SH3PXD2A: variants seen among roughly 807,000 people sequenced by gnomAD.
The protein encoded by SH3PXD2A is SH3 and PX domains 2A.
In SH3PXD2A, 32 loss-of-function variants were observed where a neutral mutation model predicts 115.2. That is an observed-to-expected ratio of 0.28 (90% CI 0.21 to 0.37). The LOEUF is 0.37. SH3PXD2A is among the 10% of genes least tolerant of loss of function. The pLI is 1.00. For synonymous variants in SH3PXD2A, 610 were observed against 629.1 expected (o/e 0.97, Z 0.45); for missense variants, 1,328 against 1,498.7 (o/e 0.89, Z 1.88).
chr10:103,793,945 T>C (rs551466499), intron 2 of SH3PXD2A, among the ~76,000 whole-genome samples: 6 of 152,166 alleles, frequency 3.9e-5, no homozygotes, highest in Non-Finnish European at 8.8e-5. Context: ...ATAAATTTAA[T>C]GAATAGAAAA....
chr10:103,791,774 G>T (rs772011404), intron 2 of SH3PXD2A, among the ~76,000 whole-genome samples: 1 of 151,960 alleles, frequency 6.6e-6, no homozygotes, highest in African/African-American at 2.4e-5. Context: ...GAAACTGCAC[G>T]AGAAGTTGCA....
intron 8 of SH3PXD2A, among the ~76,000 whole-genome samples, chr10:103,653,610 G>A (rs2037163605): frequency 6.6e-6 from 1 of 152,234 alleles, no homozygotes; most frequent in African/African-American, 2.4e-5. Context: ...CACCAGGCCT[G>A]TCCAACCTGG....
intron 4 of SH3PXD2A, among the ~76,000 whole-genome samples, chr10:103,730,228 GTTTCTTTTTTT>G (rs2038299120): frequency 8.9e-6 from 1 of 112,480 alleles, no homozygotes; most frequent in South Asian, 2.6e-4. Flanking sequence ...TTCTTTTCTC[GTTTCTTTTTTT>G]TTTTTTTTTT....
At chr10:103,712,114 G>A (rs2038054057) in intron 5 of SH3PXD2A, among the ~76,000 whole-genome samples, 1 of 151,900 alleles carries the variant, frequency 6.6e-6, no homozygotes, top group African/African-American at 2.4e-5. Context: ...TAAGGGAGAT[G>A]GAACTGCTCT....
At chr10:103,651,901 G>A (rs1415599274) in intron 8 of SH3PXD2A, among the ~76,000 whole-genome samples, 2 of 152,214 alleles carry the variant, frequency 1.3e-5, no homozygotes, top group African/African-American at 4.8e-5. Flanking sequence ...AGGACATGGG[G>A]ATCCCAGGGC....
chr10:103,606,662 TTTTCGTGTTTTTTTGGTGGAGACGGGG>T (rs2036313149), intron 13 of SH3PXD2A, among the ~76,000 whole-genome samples: 1 of 151,794 alleles, frequency 6.6e-6, no homozygotes, highest in Non-Finnish European at 1.5e-5. Context: ...GCCTGACTGG[TTTTCGTGTTTTTTTGGTGGAGACGGGG>T]TTTCGCTGTG....
rs529872062 is a variant in SH3PXD2A at position 103,660,744 on chromosome 10, G to A, written c.604+239C>T. On this transcript the variant is annotated intron_variant, in intron 8 of 14. Transcript: ENST00000369774. ...TTTATTCCCGCGCTGTGCCTGAAAC[G>A]TGCAATTAACACAGGCTGGTTAATT... is the stretch of plus-strand genomic sequence containing the variant. 2.0e-5 allele frequency among the ~76,000 whole-genome samples: 3 copies of A among 152,344 alleles called. No individual in the cohort carries two copies. The East Asian group carries it at 5.8e-4, about 29-fold the overall frequency.
chr10:103,700,922 T>C (rs1255044005), intron 5 of SH3PXD2A, among the ~76,000 whole-genome samples: 1 of 152,032 alleles, frequency 6.6e-6, no homozygotes, highest in Non-Finnish European at 1.5e-5. Context: ...TTAAAGACCT[T>C]CCCTGACTCT....
At chr10:103,712,474 C>A (rs1472867557) in intron 5 of SH3PXD2A, among the ~76,000 whole-genome samples, 1 of 152,188 alleles carries the variant, frequency 6.6e-6, no homozygotes, top group Non-Finnish European at 1.5e-5. Context: ...ATCAGAGGAG[C>A]CTGTACCAGC....
chr10:103,633,740 A>C (rs920548982), intron 8 of SH3PXD2A, among the ~76,000 whole-genome samples: 1,587 of 150,528 alleles, frequency 0.011, 64 homozygotes, highest in South Asian at 0.016. Flanking sequence ...AAAAAAAAAA[A>C]AAAAAAAAAA....
At chr10:103,782,303 T>C (rs1053560197) in intron 2 of SH3PXD2A, among the ~76,000 whole-genome samples, 1 of 152,238 alleles carries the variant, frequency 6.6e-6, no homozygotes, top group Non-Finnish European at 1.5e-5. Context: ...TTAGCAAGAT[T>C]GCTAAGTAGT....
At chr10:103,728,894 T>TTTG (rs2038278793) in intron 4 of SH3PXD2A, among the ~76,000 whole-genome samples, 4 of 133,392 alleles carry the variant, frequency 3.0e-5, no homozygotes, top group African/African-American at 1.2e-4. Flanking sequence ...TGTTTGTTTG[T>TTTG]TTGTTTTTTT....
chr10:103,762,014 C>CTTTTTTTTTTTT lies in SH3PXD2A; in HGVS notation c.229+5068_229+5079dup, dbSNP rs79615908. Reference sequence around the variant, plus strand: ...CACACACTAGGAGCAATCAACACGTCTTTTTTTTTTTTTTTTTTTTTTTTT... The same window carrying CTTTTTTTTTTTT: ...CACACACTAGGAGCAATCAACACGTCTTTTTTTTTTTTTTTTTTTTTTTTTTTTTTTTTTTTT... On this transcript the variant is annotated intron_variant, in intron 3 of 14. Coordinates refer to ENST00000369774, the MANE Select transcript of SH3PXD2A (RefSeq NM_001394015.1). Among the ~76,000 whole-genome samples the CTTTTTTTTTTTT allele has an allele frequency of 2.1e-4, 19 of 90,700 alleles. 1 individual carries two copies. Among genetic ancestry groups the CTTTTTTTTTTTT allele is most frequent in the South Asian group, 2.0e-3 (4 of 2,020 alleles). The allele number at this position is 90,700 out of a possible 152,430, so 59.5% of individuals were successfully genotyped here. A position where few individuals can be genotyped will look rare whatever the true frequency, so the allele number is the denominator to read the frequency against.
intron 2 of SH3PXD2A, among the ~76,000 whole-genome samples, chr10:103,793,440 A>G (rs565413384): frequency 6.6e-6 from 1 of 152,244 alleles, no homozygotes; most frequent in African/African-American, 2.4e-5. Flanking sequence ...ATTTGCTTTG[A>G]CTGCTGTACT....
At chr10:103,848,073 G>C (rs370521910) in intron 1 of SH3PXD2A, among the ~76,000 whole-genome samples, 13 of 152,204 alleles carry the variant, frequency 8.5e-5, no homozygotes, top group East Asian at 5.8e-4. Context: ...CAGAACCTAC[G>C]AGGATGGGCG....
chr10:103,608,155 A>AAAAAAAAAAAAAGTTTAC (rs1447316391), intron 13 of SH3PXD2A, among the ~76,000 whole-genome samples: 2 of 144,004 alleles, frequency 1.4e-5, no homozygotes, highest in African/African-American at 2.6e-5. Flanking sequence ...CAATTTAAAA[A>AAAAAAAAAAAAAGTTTAC]AAAAAAAAAA....
intron 13 of SH3PXD2A, among the ~76,000 whole-genome samples, chr10:103,606,259 G>C (rs1195427298): frequency 6.6e-6 from 1 of 151,074 alleles, no homozygotes; most frequent in Non-Finnish European, 1.5e-5. Context: ...ACCCAGGCTA[G>C]AGTGCAGTGG....
intron 8 of SH3PXD2A, among the ~76,000 whole-genome samples, chr10:103,636,310 G>A (rs2036863188): frequency 6.6e-6 from 1 of 151,956 alleles, no homozygotes; most frequent in African/African-American, 2.4e-5. Flanking sequence ...TCAGGAGGCT[G>A]AGGCAGGAGA....
chr10:103,796,859 CTT>C lies in SH3PXD2A; in HGVS notation c.153+4421_153+4422del, dbSNP rs11352709. 6.9e-3 allele frequency among the ~76,000 whole-genome samples: 788 copies of C among 114,074 alleles called. 3 individuals carry two copies. The highest frequency in any genetic ancestry group is 8.1e-3 in the Non-Finnish European group (449 of 55,310). 74.8% of individuals were successfully genotyped at this position (114,074 alleles called of 152,430 possible). A position where few individuals can be genotyped will look rare whatever the true frequency, so the allele number is the denominator to read the frequency against. On this transcript the variant is annotated intron_variant, in intron 2 of 14. Coordinates refer to ENST00000369774, the MANE Select transcript of SH3PXD2A (RefSeq NM_001394015.1). ...ATATGCCATGAAATGTTTGGAACAT[CTT>C]TTTTTTTTTTTTTTTTTTGAGATAG...
Sources: gnomAD v4.1 joint callset for allele counts (sites outside exome capture counted in the v4.1 genomes callset) on GRCh38, gnomAD v4.1.1 for gene constraint, MANE v1.5 for transcripts, NCBI Gene and HGNC (gene_info 2026-07-23, HGNC 2026-07-21) for gene names.